Variants in AK5 observed in about 807,000 individuals in gnomAD.
AK5 encodes adenylate kinase isoenzyme 5.
AK5 carries 27 observed loss-of-function variants against 69.5 expected under a neutral mutation model. That is an observed-to-expected ratio of 0.39 (90% CI 0.29 to 0.54). The LOEUF is 0.54. Among genes scored for constraint, AK5 ranks in the 20% least tolerant of loss-of-function variants. AK5 has a pLI of 0.71. For missense variants in AK5, 531 were observed against 700.4 expected (o/e 0.76, Z 2.73); for synonymous variants, 260 against 244.4 (o/e 1.06, Z -0.60).
chr1:77,525,017 G>A lies in AK5; in HGVS notation c.1428+3074G>A, dbSNP rs193245692. 3.4e-3 allele frequency among the ~76,000 whole-genome samples: 519 copies of A among 152,098 alleles called. 2 individuals carry two copies. The highest frequency in any genetic ancestry group is 0.012 in the African/African-American group (494 of 41,516). On this transcript the variant is annotated intron_variant, in intron 12 of 13. Transcript: ENST00000354567. ...TACCTACCAGGTTCAAGCAATTCTC[G>A]TGCCTCAGCCTCCCAAGTAGCTGGG...
At chr1:77,386,124 C>A (rs1557550008) in intron 6 of AK5, among the ~76,000 whole-genome samples, 1 of 151,968 alleles carries the variant, frequency 6.6e-6, no homozygotes, top group Non-Finnish European at 1.5e-5. Context: ...TAGTTGTGTT[C>A]CTGGCAATCA....
intron 6 of AK5, among the ~76,000 whole-genome samples, chr1:77,359,326 C>T (rs1322445273): frequency 6.6e-6 from 1 of 151,166 alleles, no homozygotes; most frequent in Non-Finnish European, 1.5e-5. Flanking sequence ...AAAATTAAAA[C>T]TATTTGTTTT....
At chr1:77,370,580 A>G (rs1256359892) in intron 6 of AK5, among the ~76,000 whole-genome samples, 1 of 152,192 alleles carries the variant, frequency 6.6e-6, no homozygotes, top group Admixed American at 6.5e-5. Flanking sequence ...AACTTTAGAG[A>G]TGGATCAGGA....
chr1:77,450,964 C>G (rs1376973680), intron 8 of AK5, among the ~76,000 whole-genome samples: 1 of 151,936 alleles, frequency 6.6e-6, no homozygotes, highest in Non-Finnish European at 1.5e-5. Context: ...TCATTTGAGC[C>G]CAGGAGTTCA....
At chr1:77,424,944 G>A (rs1029412567) in intron 8 of AK5, among the ~76,000 whole-genome samples, 2 of 152,016 alleles carry the variant, frequency 1.3e-5, no homozygotes, top group African/African-American at 4.8e-5. Context: ...CAAGATAAAC[G>A]CCCCAAAACA....
chr1:77,443,677 C>CGTG (rs759759530), intron 8 of AK5, among the ~76,000 whole-genome samples: 1 of 134,042 alleles, frequency 7.5e-6, no homozygotes, highest in Non-Finnish European at 1.6e-5. Context: ...TGTGGGGAGT[C>CGTG]TGTGTGTGTG....
chr1:77,376,465 ATG>A (rs1255972645), intron 6 of AK5, among the ~76,000 whole-genome samples: 3 of 128,746 alleles, frequency 2.3e-5, no homozygotes, highest in Non-Finnish European at 5.0e-5. Flanking sequence ...AAAAAAAAAC[ATG>A]TCTTACTTTT....
chr1:77,435,977 G>C (rs912294436), intron 8 of AK5, among the ~76,000 whole-genome samples: 1 of 152,122 alleles, frequency 6.6e-6, no homozygotes, highest in South Asian at 2.1e-4. Flanking sequence ...TTGATGGCAT[G>C]CTTAAGCCGT....
At chr1:77,491,338 G>A (rs1454450349) in intron 10 of AK5, among the ~76,000 whole-genome samples, 2 of 60,566 alleles carry the variant, frequency 3.3e-5, no homozygotes, top group African/African-American at 6.3e-5. Context: ...ATGGAGTTTT[G>A]CTCTTTCTCC....
At chr1:77,417,509 G>C in intron 7 of AK5, 130 bp from the exon 8 acceptor site, 1 of 644,988 alleles carries the variant, frequency 1.6e-6, no homozygotes. Flanking sequence ...CCTGGCAGAT[G>C]AGAACAGTCT....
intron 13 of AK5, among the ~76,000 whole-genome samples, chr1:77,554,907 T>TGC: frequency 6.7e-6 from 1 of 149,624 alleles, no homozygotes; most frequent in Non-Finnish European, 1.5e-5. Context: ...TGAGCCACCA[T>TGC]GCCCAGCCTC....
chr1:77,486,207 C>A, intron 9 of AK5, 101 bp from the exon 10 acceptor site: 1 of 734,184 alleles, frequency 1.4e-6, no homozygotes, highest in Non-Finnish European at 2.3e-6. Context: ...AGCTTTTTAT[C>A]AAATAAAACT....
chr1:77,493,069 G>T (rs760564440), intron 10 of AK5, among the ~76,000 whole-genome samples: 1 of 152,158 alleles, frequency 6.6e-6, no homozygotes, highest in Non-Finnish European at 1.5e-5. Context: ...GTTAATTTTA[G>T]GTGTCAACTT....
chr1:77,383,204 T>A (rs1408781016), intron 6 of AK5, among the ~76,000 whole-genome samples: 1 of 152,164 alleles, frequency 6.6e-6, no homozygotes. Context: ...AAATTACTCT[T>A]AAAGTAATAT....
chr1:77,382,227 ATTTT>A (rs11306378), intron 6 of AK5, among the ~76,000 whole-genome samples: 19,423 of 137,018 alleles, frequency 0.14, 1,383 homozygotes, highest in East Asian at 0.39. Flanking sequence ...TAATCTTTTA[ATTTT>A]TTTTTTTTTT....
At chr1:77,466,824 A>G (rs764023604) in intron 8 of AK5, among the ~76,000 whole-genome samples, 3 of 152,114 alleles carry the variant, frequency 2.0e-5, no homozygotes, top group Non-Finnish European at 4.4e-5. Context: ...ACCTTCTAAC[A>G]TGGTTGCGCT....
At chr1:77,413,105 C>T (rs933273451) in intron 7 of AK5, among the ~76,000 whole-genome samples, 4 of 152,088 alleles carry the variant, frequency 2.6e-5, no homozygotes, top group African/African-American at 7.2e-5. Flanking sequence ...ACCCTTAGCA[C>T]AGAAGAAAGC....
At chr1:77,367,919 TGA>T (rs369983572) in intron 6 of AK5, among the ~76,000 whole-genome samples, 915 of 37,508 alleles carry the variant, frequency 0.024, 70 homozygotes, top group Non-Finnish European at 0.031. Flanking sequence ...AAAATATATG[TGA>T]TATATATTAT....
intron 8 of AK5, among the ~76,000 whole-genome samples, chr1:77,462,586 A>G (rs1653908510): frequency 6.6e-6 from 1 of 152,168 alleles, no homozygotes; most frequent in Non-Finnish European, 1.5e-5. Flanking sequence ...CAGTATATCC[A>G]CTATTTAGTT....
Sources: allele counts gnomAD v4.1 joint callset (sites outside exome capture counted in the v4.1 genomes callset), GRCh38; gene constraint gnomAD v4.1.1; transcripts MANE v1.5; gene names NCBI Gene and HGNC (gene_info 2026-07-23, HGNC 2026-07-21).